Variants in MAGED1 observed in about 807,000 individuals in gnomAD.
MAGED1 encodes the protein MAGE family member D1, also known as melanoma-associated antigen D1.
In MAGED1, 3 loss-of-function variants were observed where a neutral mutation model predicts 54.1. The observed-to-expected ratio is 0.06, with a 90% CI of 0.03 to 0.14. The LOEUF is 0.14. Ranked by LOEUF, MAGED1 falls within the 10% of genes least tolerant of loss-of-function variation. The pLI is 1.00. For missense variants in MAGED1, 485 were observed against 623.4 expected (o/e 0.78, Z 2.36); for synonymous variants, 217 against 227.3 (o/e 0.95, Z 0.41).
chrX:51,889,323 A>G (rs953753337), upstream of MAGED1, among the ~76,000 whole-genome samples: 1 of 110,975 alleles, frequency 9.0e-6, no homozygotes, highest in African/African-American at 3.3e-5. Flanking sequence ...GGCATCAGTT[A>G]TATTTCAAAA....
chrX:51,872,148 T>C (rs1380180228), intron 1 of MAGED1, among the ~76,000 whole-genome samples: 1 of 112,100 alleles, frequency 8.9e-6, no homozygotes, highest in Non-Finnish European at 1.9e-5. Context: ...GTAAATTTGT[T>C]TGAGTTCATT....
chrX:51,838,992 G>A (rs782042863), intron 1 of MAGED1, among the ~76,000 whole-genome samples: 2 of 111,066 alleles, frequency 1.8e-5, no homozygotes, highest in African/African-American at 3.3e-5. Context: ...ATCACAGAGC[G>A]ACACTCAGGG....
chrX:51,867,607 C>T (rs1432918797), intron 1 of MAGED1, among the ~76,000 whole-genome samples: 1 of 111,854 alleles, frequency 8.9e-6, no homozygotes, highest in Non-Finnish European at 1.9e-5. Context: ...TTCCCCAGCC[C>T]GCTGACTCAA....
At chrX:51,826,498 T>C (rs942077800) in intron 1 of MAGED1, among the ~76,000 whole-genome samples, 5 of 111,369 alleles carry the variant, frequency 4.5e-5, no homozygotes, top group African/African-American at 1.6e-4. Context: ...TCCTTCTCCA[T>C]TGAATTACCT....
intron 1 of MAGED1, among the ~76,000 whole-genome samples, chrX:51,845,173 C>A (rs1223640145): frequency 2.7e-5 from 3 of 111,606 alleles, no homozygotes; most frequent in Non-Finnish European, 5.6e-5. Flanking sequence ...ATCGCTTGAA[C>A]CCAGGAGGCG....
intron 1 of MAGED1, among the ~76,000 whole-genome samples, chrX:51,807,995 TATC>T (rs782336722): frequency 3.4e-4 from 38 of 112,076 alleles, no homozygotes; most frequent in Non-Finnish European, 6.4e-4. Flanking sequence ...AGGGAGCAGA[TATC>T]ATGGCACGTC....
chrX:51,820,007 C>T (rs1925564858), intron 1 of MAGED1, among the ~76,000 whole-genome samples: 3 of 111,614 alleles, frequency 2.7e-5, no homozygotes, highest in African/African-American at 9.8e-5. Context: ...GTTTCATTTG[C>T]ATATAGATAT....
chrX:51,897,848 C>T lies in MAGED1; in HGVS notation c.1620C>T (p.Leu540=). The change falls in exon 7 of 13, where the codon CTC becomes CTT. Residue 540 remains leucine, a synonymous_variant. Transcript: ENST00000326587. ...ACAAAGAAGAACACCTGTATATTCT[C>T]ATCAGTACCCCCGAGTCCCTGGCTG... The part of the protein sequence containing the change: ...EIDKEEHLYI[L]ISTPESLAGI... The T allele has an allele frequency of 8.3e-7, 1 of 1,206,563 alleles. No individual in the cohort carries two copies. The highest frequency in any genetic ancestry group is 1.1e-6 in the Non-Finnish European group (1 of 892,263).
chrX:51,872,605 TC>T (rs1927721897), intron 1 of MAGED1, among the ~76,000 whole-genome samples: 1 of 112,380 alleles, frequency 8.9e-6, no homozygotes, highest in African/African-American at 3.2e-5. Flanking sequence ...AACTTGTCTT[TC>T]TAGAATATTT....
Position 51,896,690 on chromosome X carries a change from AAACCCAGTAATCTGGCAG to A in MAGED1, c.1044_1061del (p.Gln351_Trp356del). 1 of 1,211,894 alleles carries A rather than the reference AAACCCAGTAATCTGGCAG, an allele frequency of 8.3e-7. No individual in the cohort carries two copies. ...CTTGGCAGAACCCAGTGATTTGGCC[AAACCCAGTAATCTGGCAG>A]AACCCAGTGATCTGGCCAAACCCCA... On this transcript the variant is annotated inframe_deletion, in exon 4 of 13. Transcript: ENST00000326587.
At chrX:51,821,203 G>A (rs1318427174) in intron 1 of MAGED1, among the ~76,000 whole-genome samples, 3 of 110,918 alleles carry the variant, frequency 2.7e-5, no homozygotes, top group African/African-American at 9.8e-5. Flanking sequence ...TTTTACATTC[G>A]AGATCATGAC....
chrX:51,840,335 C>G (rs899613160), intron 1 of MAGED1, among the ~76,000 whole-genome samples: 2 of 110,371 alleles, frequency 1.8e-5, no homozygotes, highest in Non-Finnish European at 3.8e-5. Context: ...GAACCAAGGC[C>G]TTTTGGGGTC....
intron 1 of MAGED1, among the ~76,000 whole-genome samples, chrX:51,873,045 CA>C (rs33935618): frequency 0.14 from 14,063 of 102,979 alleles, 813 homozygotes; most frequent in Non-Finnish European, 0.17. Context: ...CTTTCATTGT[CA>C]AAAAAAAAAA....
At chrX:51,829,353 G>A (rs1359306405) in intron 1 of MAGED1, among the ~76,000 whole-genome samples, 1 of 109,843 alleles carries the variant, frequency 9.1e-6, no homozygotes, top group Non-Finnish European at 1.9e-5. Flanking sequence ...ATATATATGT[G>A]AAATTAGTAA....
intron 1 of MAGED1, among the ~76,000 whole-genome samples, chrX:51,849,883 G>A (rs7880576): frequency 1.8e-5 from 2 of 109,812 alleles, no homozygotes; most frequent in African/African-American, 3.3e-5. Context: ...TCCTTATACC[G>A]CCAGAATTTG....
At chrX:51,843,871 G>T in intron 1 of MAGED1, among the ~76,000 whole-genome samples, 1 of 111,485 alleles carries the variant, frequency 9.0e-6, no homozygotes, top group African/African-American at 3.3e-5. Context: ...AAGTGTGATA[G>T]AAAAAGCCTA....
chrX:51,811,635 G>A (rs1366277431), intron 1 of MAGED1, among the ~76,000 whole-genome samples: 4 of 111,735 alleles, frequency 3.6e-5, no homozygotes, highest in African/African-American at 1.3e-4. Flanking sequence ...AAGATTCCAG[G>A]TGGGAAGGAG....
chrX:51,897,672 A>T (rs1475202385), intron 6 of MAGED1, 46 bp downstream of exon 6: 1 of 1,131,850 alleles, frequency 8.8e-7, no homozygotes, highest in Non-Finnish European at 1.2e-6. Context: ...GAAAGTCTTG[A>T]TTTCAAAGAT....
intron 2 of MAGED1, 132 bp from the exon 3 acceptor site, chrX:51,894,921 C>A: frequency 1.1e-6 from 1 of 913,189 alleles, no homozygotes; most frequent in Non-Finnish European, 1.5e-6. Context: ...ATCTCTGCCT[C>A]AGCCCCCCTG....
Sources: gnomAD v4.1 joint callset for allele counts (sites outside exome capture counted in the v4.1 genomes callset) on GRCh38, gnomAD v4.1.1 for gene constraint, MANE v1.5 for transcripts, NCBI Gene and HGNC (gene_info 2026-07-23, HGNC 2026-07-21) for gene names.